ZFAND3: variants seen among roughly 807,000 people sequenced by gnomAD.
ZFAND3 encodes AN1-type zinc finger protein 3.
A neutral mutation model predicts 29.6 loss-of-function variants in ZFAND3; 10 were observed. That is an observed-to-expected ratio of 0.34 (90% CI 0.21 to 0.57). The LOEUF (loss-of-function observed/expected upper bound fraction) is 0.57. Among genes scored for constraint, ZFAND3 ranks in the 20% least tolerant of loss-of-function variants. The pLI is 0.86. For missense variants in ZFAND3, 230 were observed against 304.5 expected, an observed-to-expected ratio of 0.76 and a Z score of 1.82; for synonymous variants, 128 against 112.6, an observed-to-expected ratio of 1.14 and a Z score of -0.87.
At chr6:38,055,098 A>C (rs1271785893) in intron 2 of ZFAND3, among the ~76,000 whole-genome samples, 2 of 152,252 alleles carry the variant, frequency 1.3e-5, no homozygotes. Context: ...ACCTTTATAC[A>C]GTGCCTTATA....
chr6:38,118,848 G>T (rs1267052440), intron 5 of ZFAND3, among the ~76,000 whole-genome samples: 1 of 151,796 alleles, frequency 6.6e-6, no homozygotes, highest in African/African-American at 2.4e-5. Flanking sequence ...GGTAAATATA[G>T]ATTACTCTGC....
chr6:37,823,618 C>G (rs1389206709), intron 1 of ZFAND3, among the ~76,000 whole-genome samples: 1 of 152,116 alleles, frequency 6.6e-6, no homozygotes, highest in Non-Finnish European at 1.5e-5. Context: ...GCTTGTAACA[C>G]GTGGTTCCAG....
intron 4 of ZFAND3, among the ~76,000 whole-genome samples, chr6:38,087,734 G>A (rs988966913): frequency 2.0e-5 from 3 of 152,172 alleles, no homozygotes. Context: ...CTTGTACACT[G>A]TTGGTGGGAA....
chr6:37,940,650 TC>T (rs1761795070), intron 2 of ZFAND3, among the ~76,000 whole-genome samples: 1 of 152,152 alleles, frequency 6.6e-6, no homozygotes, highest in Non-Finnish European at 1.5e-5. Context: ...CTCTGGAAGT[TC>T]CCAGTGATGG....
At chr6:37,937,064 A>G (rs1482413953) in intron 2 of ZFAND3, among the ~76,000 whole-genome samples, 2 of 152,224 alleles carry the variant, frequency 1.3e-5, no homozygotes, top group Admixed American at 6.5e-5. Flanking sequence ...GCAGTTACAT[A>G]CTAATCTCTT....
intron 1 of ZFAND3, among the ~76,000 whole-genome samples, chr6:37,874,282 A>G (rs9470725): frequency 0.7 from 106,973 of 152,046 alleles, 38,242 homozygotes; most frequent in African/African-American, 0.79. Flanking sequence ...TTGGGAGGCC[A>G]AAGCAGGCGG....
intron 2 of ZFAND3, among the ~76,000 whole-genome samples, chr6:38,043,638 G>T (rs1763839541): frequency 6.9e-6 from 1 of 143,958 alleles, no homozygotes; most frequent in Non-Finnish European, 1.5e-5. Context: ...CTTTCAACAT[G>T]GTCTTGCTCT....
chr6:38,134,946 G>C (rs9462386), intron 5 of ZFAND3, among the ~76,000 whole-genome samples: 4,973 of 152,312 alleles, frequency 0.033, 221 homozygotes, highest in African/African-American at 0.096. Flanking sequence ...ACATGGAGAA[G>C]ACTGCCTTAG....
At chr6:37,875,832 AT>A (rs111876400) in intron 1 of ZFAND3, among the ~76,000 whole-genome samples, 2,806 of 126,138 alleles carry the variant, frequency 0.022, 48 homozygotes, top group African/African-American at 0.069. Context: ...TTAATTTTTG[AT>A]TTTTTTTTTT....
chr6:38,092,927 C>G (rs903600088), intron 4 of ZFAND3, among the ~76,000 whole-genome samples: 1 of 152,160 alleles, frequency 6.6e-6, no homozygotes, highest in African/African-American at 2.4e-5. Flanking sequence ...CAAAACTAAC[C>G]TATCAGGAGA....
chr6:38,011,315 G>A (rs907065736), intron 2 of ZFAND3, among the ~76,000 whole-genome samples: 1 of 152,168 alleles, frequency 6.6e-6, no homozygotes, highest in Non-Finnish European at 1.5e-5. Flanking sequence ...AATACACACA[G>A]TAGAATTTTG....
chr6:37,826,387 CTGAG>C (rs1322896720), intron 1 of ZFAND3, among the ~76,000 whole-genome samples: 6 of 152,242 alleles, frequency 3.9e-5, no homozygotes, highest in South Asian at 2.1e-4. Context: ...GATTACATTG[CTGAG>C]TGAGATATTT....
At chr6:37,946,154 G>C (rs189941656) in intron 2 of ZFAND3, among the ~76,000 whole-genome samples, 116 of 152,268 alleles carry the variant, frequency 7.6e-4, no homozygotes, top group African/African-American at 2.6e-3. Flanking sequence ...GAATGTAAAA[G>C]CATACAAGTC....
At chr6:37,839,099 T>C (rs896657537) in intron 1 of ZFAND3, among the ~76,000 whole-genome samples, 3 of 152,232 alleles carry the variant, frequency 2.0e-5, no homozygotes, top group Non-Finnish European at 2.9e-5. Flanking sequence ...ACCATTTGTG[T>C]ATCTACTTTG....
intron 1 of ZFAND3, among the ~76,000 whole-genome samples, chr6:37,914,423 C>T (rs563513666): frequency 1.3e-5 from 2 of 152,264 alleles, no homozygotes; most frequent in South Asian, 4.1e-4. Context: ...GGTGCAACCT[C>T]TGCCTCCTGT....
intron 2 of ZFAND3, among the ~76,000 whole-genome samples, chr6:38,007,489 G>C (rs1763071009): frequency 6.6e-6 from 1 of 152,152 alleles, no homozygotes; most frequent in Non-Finnish European, 1.5e-5. Flanking sequence ...AGGCCACAGT[G>C]AGCTATGATT....
intron 5 of ZFAND3, among the ~76,000 whole-genome samples, chr6:38,121,512 A>G (rs1765533530): frequency 1.3e-5 from 2 of 152,240 alleles, no homozygotes; most frequent in African/African-American, 4.8e-5. Flanking sequence ...ACAAGTTCCC[A>G]TGGAATGTTT....
At chr6:38,148,126 AT>A (rs914626555) in intron 5 of ZFAND3, among the ~76,000 whole-genome samples, 5 of 151,962 alleles carry the variant, frequency 3.3e-5, no homozygotes, top group Admixed American at 2.6e-4. Context: ...TTTTGAGTTG[AT>A]TTTTGTGTGT....
intron 2 of ZFAND3, among the ~76,000 whole-genome samples, chr6:37,954,879 A>G (rs1218323044): frequency 3.3e-5 from 5 of 152,232 alleles, no homozygotes; most frequent in Admixed American, 3.3e-4. Context: ...ACAGTGTCCC[A>G]TGAATTGAGA....
Sources: allele counts gnomAD v4.1 joint callset (sites outside exome capture counted in the v4.1 genomes callset), GRCh38; gene constraint gnomAD v4.1.1; transcripts MANE v1.5; gene names NCBI Gene and HGNC (gene_info 2026-07-23, HGNC 2026-07-21).